Variants in SYN1 observed in about 807,000 individuals in gnomAD.
SYN1 encodes synapsin-1.
A neutral mutation model predicts 44.6 loss-of-function variants in SYN1; 8 were observed. The observed-to-expected ratio is 0.18, with a 90% confidence interval of 0.11 to 0.32. The LOEUF (loss-of-function observed/expected upper bound fraction) is 0.32, where lower values mean the gene tolerates loss of function less well. Among genes scored for constraint, SYN1 ranks in the 10% least tolerant of loss-of-function variants. The pLI, the probability that SYN1 is intolerant of heterozygous loss-of-function variation, is 1.00. For synonymous variants in SYN1, 275 were observed against 280.1 expected, an observed-to-expected ratio of 0.98 and a Z score of 0.18; for missense variants, 451 against 639.4, an observed-to-expected ratio of 0.71 and a Z score of 3.18.
intron 5 of SYN1, among the ~76,000 whole-genome samples, chrX:47,587,750 G>A (rs780832166): frequency 1.8e-5 from 2 of 110,679 alleles, no homozygotes; most frequent in South Asian, 3.8e-4. Context: ...CTTCCACAGC[G>A]GGGTCCAGTC....
intron 5 of SYN1, among the ~76,000 whole-genome samples, chrX:47,578,198 G>T (rs1042415724): frequency 4.5e-5 from 5 of 109,992 alleles, no homozygotes; most frequent in African/African-American, 1.0e-4. Flanking sequence ...ACACACCCAG[G>T]TTCCCTCCCC....
chrX:47,598,774 C>G (rs758841355), intron 5 of SYN1, among the ~76,000 whole-genome samples: 50 of 111,476 alleles, frequency 4.5e-4, no homozygotes, highest in Non-Finnish European at 1.7e-4. Context: ...TTGCAGTGAG[C>G]CGAGATCGTG....
At chrX:47,604,068 G>A (rs1344941849) in intron 5 of SYN1, among the ~76,000 whole-genome samples, 1 of 102,560 alleles carries the variant, frequency 9.8e-6, no homozygotes, top group African/African-American at 3.6e-5. Flanking sequence ...CCACCACGCC[G>A]GGCTAATTTT....
chrX:47,602,006 C>T (rs966373118), intron 5 of SYN1, among the ~76,000 whole-genome samples: 2 of 112,386 alleles, frequency 1.8e-5, no homozygotes, highest in African/African-American at 3.2e-5. Context: ...GTCCAACATC[C>T]TTTCACGACA....
intron 1 of SYN1, among the ~76,000 whole-genome samples, chrX:47,615,448 T>C (rs1320069807): frequency 1.8e-5 from 2 of 112,435 alleles, no homozygotes; most frequent in East Asian, 2.8e-4. Flanking sequence ...ATATATAATA[T>C]ACATTACAGA....
intron 5 of SYN1, among the ~76,000 whole-genome samples, chrX:47,599,059 A>G (rs1048939947): frequency 9.0e-6 from 1 of 110,786 alleles, no homozygotes; most frequent in African/African-American, 3.3e-5. Context: ...AAAAATGAAT[A>G]AAAGACATAG....
chrX:47,601,058 G>T (rs1482425174), intron 5 of SYN1, among the ~76,000 whole-genome samples: 1 of 111,310 alleles, frequency 9.0e-6, no homozygotes, highest in East Asian at 2.8e-4. Context: ...ATGACATAAA[G>T]AATTTTAAAA....
chrX:47,584,973 C>A, intron 5 of SYN1: 1 of 1,211,492 alleles, frequency 8.3e-7, no homozygotes, highest in Non-Finnish European at 1.1e-6. Flanking sequence ...CAGAAGTCAA[C>A]CAGACCACCT....
Position 47,619,720 on chromosome X carries a change from G to A in SYN1, c.9C>T (p.Tyr3=). The A allele has an allele frequency of 8.6e-7, 1 of 1,169,069 alleles. No homozygotes were observed. Among genetic ancestry groups the A allele is most frequent in the Non-Finnish European group, 1.1e-6 (1 of 873,390 alleles). ...TGCTGTCCGACAGGCGGCGCCGCAG[G>A]TAGTTCATGGCTGCGACTTGGGGCA... is the stretch of plus-strand genomic sequence containing the variant. The part of the protein sequence containing the change: MN[Y]LRRRLSDSNF... The change falls in exon 1 of 13, where the codon TAC becomes TAT. Residue 3 remains tyrosine (Y), a synonymous_variant. Coordinates refer to ENST00000295987, the MANE Select transcript of SYN1 (RefSeq NM_006950.3).
rs1045349354 is a variant in SYN1, at chrX:47,575,294, C to T, written c.1159-20G>A. On this transcript the variant is annotated intron_variant, in intron 9 of 12. Coordinates refer to ENST00000295987, the MANE Select transcript of SYN1 (RefSeq NM_006950.3). ...CACCACCTGGGGGAAGGAAAGGATC[C>T]GTGAGGGGAGAGGCAGGCCTCGCAC... The T allele has an allele frequency of 5.3e-5, 64 of 1,207,872 alleles. No individual in the cohort carries two copies. Among genetic ancestry groups the T allele is most frequent in the Non-Finnish European group, 6.8e-5 (61 of 893,081 alleles).
chrX:47,583,546 C>T lies in SYN1; in HGVS notation c.775-6045G>A, dbSNP rs201136509. 6.8e-5 allele frequency: 81 copies of T among 1,183,287 alleles called. No individual in the cohort carries two copies. In the East Asian group the frequency reaches 7.9e-4, roughly 12 times the overall value. ...TGCAATTCCGACCTCGGTGAGTCCT[C>T]ACCCCACTCAGCCCACACACTCTGC... is the stretch of plus-strand genomic sequence containing the variant. On this transcript the variant is annotated intron_variant, in intron 5 of 12. Coordinates refer to ENST00000295987, the MANE Select transcript of SYN1 (RefSeq NM_006950.3).
At chrX:47,615,074 C>T (rs920689315) in intron 1 of SYN1, among the ~76,000 whole-genome samples, 12 of 111,239 alleles carry the variant, frequency 1.1e-4, no homozygotes, top group Non-Finnish European at 2.3e-4. Flanking sequence ...GAAAAGAAGC[C>T]ACAGTAAGAA....
Position 47,606,262 on chromosome X carries a change from G to C in SYN1, c.527+683C>G, listed in dbSNP as rs758024426. ...TGTGTATTGTGTGTATCTCACAGTA[G>C]AATGTAAGTTTCATAAGGCCCAGGT... On this transcript the variant is annotated intron_variant, in intron 3 of 12. Coordinates refer to ENST00000295987, the MANE Select transcript of SYN1 (RefSeq NM_006950.3). Among the ~76,000 whole-genome samples, 12 of 106,713 alleles carry C rather than the reference G, an allele frequency of 1.1e-4. No individual in the cohort carries two copies. In the East Asian group the frequency reaches 3.2e-3, roughly 28 times the overall value. 92.7% of individuals were successfully genotyped at this position (106,713 alleles called of 115,157 possible). A position where few individuals can be genotyped will look rare whatever the true frequency, so the allele number is the denominator to read the frequency against.
chrX:47,579,965 A>C (rs992044763), intron 5 of SYN1, among the ~76,000 whole-genome samples: 3 of 106,055 alleles, frequency 2.8e-5, no homozygotes, highest in African/African-American at 1.0e-4. Context: ...TGAGAACATG[A>C]GCTATATCTA....
intron 5 of SYN1, among the ~76,000 whole-genome samples, chrX:47,594,317 A>C (rs1603065255): frequency 9.8e-6 from 1 of 101,523 alleles, no homozygotes; most frequent in Middle Eastern, 5.0e-3. Flanking sequence ...GGATCACCTG[A>C]GGCCAGGAGT....
intron 3 of SYN1, among the ~76,000 whole-genome samples, chrX:47,606,668 G>A (rs2057898153): frequency 9.2e-6 from 1 of 108,607 alleles, no homozygotes; most frequent in Non-Finnish European, 1.9e-5. Flanking sequence ...GGTTGCAGCT[G>A]CAGAGAGCCA....
chrX:47,599,650 T>C (rs1192909143), intron 5 of SYN1, among the ~76,000 whole-genome samples: 2 of 112,564 alleles, frequency 1.8e-5, no homozygotes, highest in African/African-American at 6.5e-5. Context: ...ATGATGTCTT[T>C]TGTTTCCAAA....
At position 47,619,465 on chromosome X, in the gene SYN1, C is replaced by A; in HGVS notation, c.264G>T (p.Thr88=). 1 of 1,197,389 alleles carries A rather than the reference C, an allele frequency of 8.4e-7. No individual in the cohort carries two copies. The change falls in exon 1 of 13, where the codon ACG becomes ACT. Residue 88 remains threonine (T), a synonymous_variant. Coordinates refer to ENST00000295987, the MANE Select transcript of SYN1 (RefSeq NM_006950.3). ...SSLSNAVKQT[T]AAAAATFSEQ... is the part of the protein sequence containing the mutation. ...CGCTGAAGGTGGCAGCTGCCGCCGC[C>A]GTGGTCTGCTTGACCGCGTTGGACA...
intron 5 of SYN1, among the ~76,000 whole-genome samples, chrX:47,599,952 A>G (rs1228649223): frequency 5.3e-5 from 6 of 112,690 alleles, no homozygotes; most frequent in Non-Finnish European, 1.1e-4. Context: ...AATATGAGGT[A>G]AAATAGAATT....
Sources: gnomAD v4.1 joint callset for allele counts (sites outside exome capture counted in the v4.1 genomes callset) on GRCh38, gnomAD v4.1.1 for gene constraint, MANE v1.5 for transcripts, NCBI Gene and HGNC (gene_info 2026-07-23, HGNC 2026-07-21) for gene names.